The following PDK1 variants were observed in gnomAD, a reference collection of about 807,000 sequenced individuals.
PDK1 encodes the protein pyruvate dehydrogenase kinase 1, also known as [Pyruvate dehydrogenase (acetyl-transferring)] kinase isozyme 1, mitochondrial.
A neutral mutation model predicts 54.2 loss-of-function variants in PDK1; 39 were observed. That is an observed-to-expected ratio of 0.72 (90% CI 0.56 to 0.94). PDK1 has a LOEUF of 0.94. Ranked by LOEUF, PDK1 falls within the 40% of genes least tolerant of loss-of-function variation. The pLI, the probability that PDK1 is intolerant of heterozygous loss-of-function variation, is 0.00. For synonymous variants in PDK1, 221 were observed against 207.1 expected (o/e 1.07, Z -0.58); for missense variants, 552 against 566.0 (o/e 0.98, Z 0.25).
At chr2:172,665,527 G>C in the PDK1 span, among the ~76,000 whole-genome samples, 1 of 152,074 alleles carries the variant, frequency 6.6e-6, no homozygotes, top group Admixed American at 6.5e-5. Context: ...TTCACTTTTT[G>C]TCCTTTGTTT....
chr2:172,664,182 G>A, the PDK1 span, among the ~76,000 whole-genome samples: 118 of 151,542 alleles, frequency 7.8e-4, no homozygotes, highest in African/African-American at 2.3e-3. Context: ...ATGGTGGCAC[G>A]CACCTGTAAT....
intron 6 of PDK1, among the ~76,000 whole-genome samples, chr2:172,567,263 A>G (rs568107911): frequency 6.6e-6 from 1 of 152,342 alleles, no homozygotes; most frequent in South Asian, 2.1e-4. Context: ...CACTAATGTA[A>G]GACTTACCCT....
chr2:172,661,030 T>G, the PDK1 span, among the ~76,000 whole-genome samples: 30 of 151,298 alleles, frequency 2.0e-4, no homozygotes, highest in Non-Finnish European at 5.9e-5. Context: ...CGTTGGGGGG[T>G]TGGTATGGGT....
At chr2:172,641,372 A>G in the PDK1 span, among the ~76,000 whole-genome samples, 1 of 151,254 alleles carries the variant, frequency 6.6e-6, no homozygotes, top group African/African-American at 2.4e-5. Flanking sequence ...GCCTCAAGTG[A>G]TCTTCCCACC....
chr2:172,592,019 A>G (rs1376055161), intron 9 of PDK1, among the ~76,000 whole-genome samples: 2 of 152,178 alleles, frequency 1.3e-5, no homozygotes, highest in Admixed American at 6.5e-5. Flanking sequence ...GGAAACATCT[A>G]TTGTCCTGTC....
At chr2:172,562,778 T>C in intron 3 of PDK1, 2 of 1,610,978 alleles carry the variant, frequency 1.2e-6, no homozygotes, top group Non-Finnish European at 1.7e-6. Context: ...CTCTAGTTTA[T>C]GCTGTATGGC....
chr2:172,591,594 A>G (rs1023661412), intron 9 of PDK1, among the ~76,000 whole-genome samples: 17 of 152,214 alleles, frequency 1.1e-4, no homozygotes, highest in Non-Finnish European at 2.4e-4. Context: ...CGGTTCCTGT[A>G]GCAGTGGCCA....
chr2:172,609,844 T>G (rs1185815376), downstream of PDK1, among the ~76,000 whole-genome samples: 1 of 152,158 alleles, frequency 6.6e-6, no homozygotes, highest in African/African-American at 2.4e-5. Context: ...TTGTTTTTTT[T>G]GAGATGGAGT....
chr2:172,670,434 G>A, the PDK1 span, among the ~76,000 whole-genome samples: 2,568 of 152,178 alleles, frequency 0.017, 31 homozygotes, highest in Middle Eastern at 0.041. Context: ...GTTTGCTGTC[G>A]ATGTTTACAC....
intron 9 of PDK1, among the ~76,000 whole-genome samples, chr2:172,587,217 T>C (rs2149278432): frequency 6.6e-6 from 1 of 152,310 alleles, no homozygotes; most frequent in South Asian, 2.1e-4. Flanking sequence ...TTACAGTTCT[T>C]AAAGATGGTG....
At chr2:172,586,485 C>A (rs1690237553) in intron 9 of PDK1, 97 bp downstream of exon 9, 1 of 652,552 alleles carries the variant, frequency 1.5e-6, no homozygotes, top group Non-Finnish European at 2.8e-6. Flanking sequence ...GTAGGGTACT[C>A]CACAAGGAAG....
intron 2 of PDK1, among the ~76,000 whole-genome samples, chr2:172,560,388 G>A (rs1267040026): frequency 6.6e-6 from 1 of 152,114 alleles, no homozygotes; most frequent in Non-Finnish European, 1.5e-5. Context: ...GGCAGGTTGT[G>A]AACTCCTGGG....
chr2:172,618,311 A>G, the PDK1 span, among the ~76,000 whole-genome samples: 1 of 152,222 alleles, frequency 6.6e-6, no homozygotes, highest in Non-Finnish European at 1.5e-5. Flanking sequence ...AAATTTTAGA[A>G]TGAGATATTT....
At chr2:172,685,406 A>G in the PDK1 span, among the ~76,000 whole-genome samples, 3 of 152,188 alleles carry the variant, frequency 2.0e-5, no homozygotes, top group African/African-American at 7.2e-5. Context: ...AAGGCTCTGC[A>G]TGTTCTGATT....
chr2:172,698,199 T>C, the PDK1 span, among the ~76,000 whole-genome samples: 2 of 152,152 alleles, frequency 1.3e-5, no homozygotes, highest in African/African-American at 2.4e-5. Context: ...GCATGAATCA[T>C]CCCCCACTTT....
At chr2:172,713,910 C>T in the PDK1 span, among the ~76,000 whole-genome samples, 2 of 152,260 alleles carry the variant, frequency 1.3e-5, no homozygotes, top group Non-Finnish European at 2.9e-5. Context: ...CCACTGCTGC[C>T]ATCACTATTA....
At chr2:172,633,322 A>G in the PDK1 span, among the ~76,000 whole-genome samples, 1 of 150,938 alleles carries the variant, frequency 6.6e-6, no homozygotes, top group South Asian at 2.1e-4. Context: ...CACTGGGATT[A>G]CAAGTGTGAA....
At chr2:172,706,564 C>T in the PDK1 span, among the ~76,000 whole-genome samples, 2 of 151,900 alleles carry the variant, frequency 1.3e-5, no homozygotes, top group Non-Finnish European at 2.9e-5. Flanking sequence ...TAGCTGGGAC[C>T]ATGGGCATGT....
downstream of PDK1, among the ~76,000 whole-genome samples, chr2:172,611,001 G>A (rs1458870711): frequency 6.6e-6 from 1 of 152,198 alleles, no homozygotes; most frequent in Non-Finnish European, 1.5e-5. Context: ...TATTTCAGTG[G>A]CAAAGGAATG....
Sources: gnomAD v4.1 joint callset for allele counts (sites outside exome capture counted in the v4.1 genomes callset) on GRCh38, gnomAD v4.1.1 for gene constraint, MANE v1.5 for transcripts, NCBI Gene and HGNC (gene_info 2026-07-23, HGNC 2026-07-21) for gene names.